The following ADAM9 variants were observed in gnomAD, a reference collection of about 807,000 sequenced individuals.
The protein encoded by ADAM9 is disintegrin and metalloproteinase domain-containing protein 9.
A neutral mutation model predicts 108.1 loss-of-function variants in ADAM9; 54 were observed. That is an observed-to-expected ratio of 0.50 (90% CI 0.40 to 0.63). The LOEUF (loss-of-function observed/expected upper bound fraction) is 0.63, where lower values mean the gene tolerates loss of function less well. ADAM9 is among the 20% of genes least tolerant of loss of function. ADAM9 has a pLI of 0.00. For synonymous variants in ADAM9, 316 were observed against 336.0 expected (o/e 0.94, Z 0.65); for missense variants, 830 against 997.7 (o/e 0.83, Z 2.26).
chr8:39,051,282 A>G (rs563500796), intron 12 of ADAM9, among the ~76,000 whole-genome samples: 14 of 152,258 alleles, frequency 9.2e-5, no homozygotes, highest in African/African-American at 3.4e-4. Context: ...CTGATCTTAT[A>G]TGACGCGTCA....
At chr8:39,046,686 A>G (rs945496194) in intron 12 of ADAM9, among the ~76,000 whole-genome samples, 1 of 152,038 alleles carries the variant, frequency 6.6e-6, no homozygotes, top group Non-Finnish European at 1.5e-5. Context: ...GAATTTTATC[A>G]AGTGCTTTTT....
At chr8:39,026,944 A>G (rs534082088) in intron 11 of ADAM9, 134 bp downstream of exon 11, 5 of 1,154,914 alleles carry the variant, frequency 4.3e-6, no homozygotes, top group African/African-American at 1.6e-5. Flanking sequence ...ATTGCATGAC[A>G]TACCAATGAG....
intron 4 of ADAM9, chr8:39,015,581 AT>A (rs898958618): frequency 2.0e-5 from 3 of 152,268 alleles, no homozygotes; most frequent in Non-Finnish European, 2.9e-5. Flanking sequence ...GGATACTGTG[AT>A]TTTTTTAACA....
chr8:39,086,382 C>T (rs1192507905), intron 18 of ADAM9, among the ~76,000 whole-genome samples: 1 of 151,896 alleles, frequency 6.6e-6, no homozygotes, highest in East Asian at 1.9e-4. Flanking sequence ...TGTTACTCTT[C>T]AAGTTTACAT....
chr8:39,082,564 C>T, intron 16 of ADAM9, 77 bp from the exon 17 acceptor site: 2 of 1,054,432 alleles, frequency 1.9e-6, no homozygotes, highest in African/African-American at 1.6e-5. Flanking sequence ...ATAATCTGTA[C>T]CCAGGTCTTT....
chr8:39,001,948 A>G lies in ADAM9; in HGVS notation c.97+4788A>G, dbSNP rs143888566. 3.2e-3 allele frequency among the ~76,000 whole-genome samples: 481 copies of G among 151,658 alleles called. 3 individuals are homozygous for G. Among genetic ancestry groups the G allele is most frequent in the African/African-American group, 0.011 (467 of 41,282 alleles). The stretch of plus-strand genomic sequence containing the variant: ...CTCCCAAAGTGCTGGGATTACAGGC[A>G]TGAGCCACCACGCCCAGCCCAAAGG... On this transcript the variant is annotated intron_variant, in intron 1 of 21. Coordinates refer to ENST00000487273, the MANE Select transcript of ADAM9 (RefSeq NM_003816.3).
intron 11 of ADAM9, among the ~76,000 whole-genome samples, chr8:39,029,081 TAAGGTATCCATCATTTTCCC>T (rs1171998805): frequency 3.0e-4 from 45 of 152,002 alleles, no homozygotes; most frequent in African/African-American, 9.6e-4. Flanking sequence ...ATTTCAAATT[TAAGGTATCCATCATTTTCCC>T]AAGGGAAGAG....
In ADAM9 at chr8:39,045,191, C is replaced by CATATATGTGT. The variant is rs1564298500; in HGVS notation, c.1302+3088_1302+3097dup. Among the ~76,000 whole-genome samples the CATATATGTGT allele has an allele frequency of 2.3e-4, 19 of 82,334 alleles. 3 individuals are homozygous for CATATATGTGT. The highest frequency in any genetic ancestry group is 7.5e-4 in the African/African-American group (16 of 21,456). 54.0% of individuals were successfully genotyped at this position (82,334 alleles called of 152,430 possible). ...ATATGTGTATATATGTGTATACATACATATATGTGTATATATGTGTATACA... is the reference window on the plus strand; with the variant it reads ...ATATGTGTATATATGTGTATACATACATATATGTGTATATATGTGTATATATGTGTATACA... On this transcript the variant is annotated intron_variant, in intron 12 of 21. Transcript: ENST00000487273.
chr8:39,063,254 A>G (rs771833453), intron 14 of ADAM9, among the ~76,000 whole-genome samples: 1 of 152,306 alleles, frequency 6.6e-6, no homozygotes, highest in African/African-American at 2.4e-5. Flanking sequence ...GGCATTTTCT[A>G]TGACTTGAGT....
rs1249305043 is a variant in ADAM9, at chr8:39,101,844, A to C, written c.2299-19A>C. 4 of 1,478,242 alleles carry C rather than the reference A, an allele frequency of 2.7e-6. No homozygotes were observed. The highest frequency in any genetic ancestry group is 3.7e-6 in the Non-Finnish European group (4 of 1,073,152). 91.6% of individuals were successfully genotyped at this position (1,478,242 alleles called of 1,614,324 possible). ...ATGAGCACATAGTGGTAATAACCTT[A>C]TTTTTTTTTTCTTTTTAGCCTATAT... On this transcript the variant is annotated intron_variant, in intron 20 of 21. Transcript: ENST00000487273.
At chr8:39,048,132 G>A (rs1055610310) in intron 12 of ADAM9, among the ~76,000 whole-genome samples, 2 of 152,092 alleles carry the variant, frequency 1.3e-5, no homozygotes, top group Admixed American at 1.3e-4. Context: ...TGTTGGCCAG[G>A]CTGGTCTCGA....
rs1353556652 is a variant in ADAM9, at chr8:39,091,301, G to C, written c.2253G>C (p.Gly751=). Residue 751 remains glycine, a synonymous_variant, in exon 20 of 22, where the codon GGG becomes GGC. Coordinates refer to ENST00000487273, the MANE Select transcript of ADAM9 (RefSeq NM_003816.3). ...KNQANPSRQP[G]SVPRHVSPVT... is the part of the protein sequence containing the mutation. ...AAGCAAACCCTTCTAGACAGCCGGG[G>C]AGTGTTCCTCGACATGTTTCTCCAG... The C allele has an allele frequency of 8.1e-6, 13 of 1,614,028 alleles. No homozygotes were observed. Among genetic ancestry groups the C allele is most frequent in the Non-Finnish European group, 9.3e-6 (11 of 1,180,022 alleles).
At chr8:39,076,169 C>G (rs1048083963) in intron 15 of ADAM9, 2 of 152,118 alleles carry the variant, frequency 1.3e-5, no homozygotes, top group East Asian at 3.9e-4. Flanking sequence ...ATTTCATGCT[C>G]CATTCTGAGC....
intron 2 of ADAM9, among the ~76,000 whole-genome samples, chr8:39,010,926 C>T (rs1476086121): frequency 6.6e-6 from 1 of 151,976 alleles, no homozygotes; most frequent in African/African-American, 2.4e-5. Flanking sequence ...AACCCCGTCT[C>T]TACTAAAAAT....
chr8:39,075,640 G>A (rs762786093), intron 15 of ADAM9, among the ~76,000 whole-genome samples: 9 of 152,080 alleles, frequency 5.9e-5, no homozygotes, highest in Non-Finnish European at 1.0e-4. Flanking sequence ...TTAATGATTT[G>A]TAACAGCTTT....
chr8:39,017,711 C>G (rs1440592739), intron 6 of ADAM9, among the ~76,000 whole-genome samples: 1 of 152,154 alleles, frequency 6.6e-6, no homozygotes, highest in African/African-American at 2.4e-5. Flanking sequence ...CCTCAGCATC[C>G]CAGTAGCTAC....
rs34077661 is a variant in ADAM9, at chr8:39,048,998, G to GT, written c.1303-5464dup. Among the ~76,000 whole-genome samples, 677 of 121,428 alleles carry GT rather than the reference G, an allele frequency of 5.6e-3. 3 individuals carry two copies. Among genetic ancestry groups the GT allele is most frequent in the African/African-American group, 9.3e-3 (310 of 33,450 alleles). 79.7% of individuals were successfully genotyped at this position (121,428 alleles called of 152,430 possible). ...GTGAGTCTCTTGTAGATAGCATATA[G>GT]TTTTTTTTTTTTTTTTTTTATCCAT... On this transcript the variant is annotated intron_variant, in intron 12 of 21. Coordinates refer to ENST00000487273, the MANE Select transcript of ADAM9 (RefSeq NM_003816.3).
At chr8:39,054,717 T>C (rs1326747013) in intron 13 of ADAM9, 144 bp downstream of exon 13, 1 of 665,256 alleles carries the variant, frequency 1.5e-6, no homozygotes, top group Non-Finnish European at 2.6e-6. Context: ...GCCACTTGTG[T>C]ATAATTTTAA....
chr8:39,044,847 T>C (rs1408909022), intron 12 of ADAM9, among the ~76,000 whole-genome samples: 1 of 151,040 alleles, frequency 6.6e-6, no homozygotes, highest in African/African-American at 2.5e-5. Flanking sequence ...TTCCGTGGGG[T>C]GTGTGTATGT....
Sources: gnomAD v4.1 joint callset for allele counts (sites outside exome capture counted in the v4.1 genomes callset) on GRCh38, gnomAD v4.1.1 for gene constraint, MANE v1.5 for transcripts, NCBI Gene and HGNC (gene_info 2026-07-23, HGNC 2026-07-21) for gene names.